PLXNA4: variants seen among roughly 807,000 people sequenced by gnomAD.
PLXNA4 encodes plexin A4.
PLXNA4 carries 44 observed loss-of-function variants against 191.8 expected under a neutral mutation model. That is an observed-to-expected ratio of 0.23 (90% confidence interval 0.18 to 0.29). The LOEUF is 0.29. Ranked by LOEUF, PLXNA4 falls within the 10% of genes least tolerant of loss-of-function variation. The probability of loss-of-function intolerance (pLI) is 1.00; values close to 1 mark genes in which losing one functional copy is unlikely to be tolerated. For synonymous variants in PLXNA4, 1,082 were observed against 1,009.5 expected (o/e 1.07, Z -1.36); for missense variants, 1,800 against 2,488.8 (o/e 0.72, Z 5.89).
chr7:132,189,229 T>C (rs1797013421), intron 14 of PLXNA4, among the ~76,000 whole-genome samples: 1 of 151,816 alleles, frequency 6.6e-6, no homozygotes, highest in African/African-American at 2.4e-5. Flanking sequence ...GCTGGGGCAC[T>C]ATCAAGGGGC....
At chr7:132,400,883 G>A (rs190270718) in intron 3 of PLXNA4, among the ~76,000 whole-genome samples, 1 of 152,302 alleles carries the variant, frequency 6.6e-6, no homozygotes, top group East Asian at 1.9e-4. Flanking sequence ...AAATAATGCT[G>A]AACATTCTGT....
In PLXNA4 at chr7:132,127,607, T is replaced by TAA. The variant is rs1384393672; in HGVS notation, c.*2870_*2871dup. ...AACAAACAGCAGAAGATAATTTTTA[T>TAA]AAGCAAGATGGGCTGTGGCTCTGGA... On this transcript the variant is annotated 3_prime_UTR_variant, in exon 32 of 32. Transcript: ENST00000321063. 1 of 152,116 alleles carries TAA rather than the reference T, an allele frequency of 6.6e-6. No homozygotes were observed. Among genetic ancestry groups the TAA allele is most frequent in the East Asian group, 1.9e-4 (1 of 5,186 alleles). 9.4% of individuals were successfully genotyped at this position (152,116 alleles called of 1,614,324 possible). A position where few individuals can be genotyped will look rare whatever the true frequency, so the allele number is the denominator to read the frequency against.
chr7:132,401,560 G>A (rs1318463625), intron 3 of PLXNA4, among the ~76,000 whole-genome samples: 1 of 152,198 alleles, frequency 6.6e-6, no homozygotes, highest in African/African-American at 2.4e-5. Flanking sequence ...AGACGCATAA[G>A]GTTAGAGGAA....
intron 19 of PLXNA4, 39 bp downstream of exon 19, chr7:132,180,547 C>T (rs1431089326): frequency 1.2e-6 from 2 of 1,612,692 alleles, no homozygotes; most frequent in African/African-American, 2.7e-5. Flanking sequence ...TGCATCCCTA[C>T]TGCCCGCTCC....
intron 1 of PLXNA4, among the ~76,000 whole-genome samples, chr7:132,515,248 A>T (rs1261364040): frequency 9.9e-5 from 15 of 152,164 alleles, no homozygotes; most frequent in Admixed American, 9.8e-4. Flanking sequence ...AATGAAGCCA[A>T]AGTACTGAGA....
chr7:132,529,870 G>C (rs549935549), intron 1 of PLXNA4, among the ~76,000 whole-genome samples: 22 of 152,300 alleles, frequency 1.4e-4, no homozygotes, highest in African/African-American at 5.3e-4. Flanking sequence ...CTCCCAAAGT[G>C]CTGGGATTAC....
chr7:132,563,198 TCTTCC>T (rs1563175735), intron 1 of PLXNA4, among the ~76,000 whole-genome samples: 38 of 71,288 alleles, frequency 5.3e-4, no homozygotes, highest in South Asian at 8.0e-4. Context: ...CTCCTCCTCC[TCTTCC>T]TCCTCCTCCT....
intron 3 of PLXNA4, among the ~76,000 whole-genome samples, chr7:132,324,100 C>G (rs1027421245): frequency 6.6e-6 from 1 of 152,154 alleles, no homozygotes; most frequent in Admixed American, 6.5e-5. Flanking sequence ...AAAAACTTAG[C>G]AGAGAACTGC....
chr7:132,611,587 T>A (rs1342609691), intron 2 of PLXNA4, among the ~76,000 whole-genome samples: 5 of 152,168 alleles, frequency 3.3e-5, no homozygotes, highest in African/African-American at 1.2e-4. Context: ...GGTGGGGGAA[T>A]TTATTAAACA....
chr7:132,347,675 C>T (rs986413342), intron 3 of PLXNA4, among the ~76,000 whole-genome samples: 2 of 152,096 alleles, frequency 1.3e-5, no homozygotes, highest in Admixed American at 6.6e-5. Context: ...TTGTGTGCTC[C>T]GAGAAGAGTC....
chr7:132,208,489 C>T (rs543655404), intron 10 of PLXNA4, among the ~76,000 whole-genome samples: 108 of 152,210 alleles, frequency 7.1e-4, no homozygotes, highest in African/African-American at 2.2e-3. Flanking sequence ...CTCCAGAGGG[C>T]CAGAGCGCAG....
rs542799587 is a variant in PLXNA4, at chr7:132,508,798, A to G, written c.-86-19T>C. On this transcript the variant is annotated intron_variant, in intron 1 of 31. Coordinates refer to ENST00000321063, the MANE Select transcript of PLXNA4 (RefSeq NM_020911.2). The surrounding 1 kb of genome is among the most constrained non-coding windows in gnomAD (Gnocchi z 4.4). ...TCCCCTACTGGAGAAAGGGAAGACA[A>G]TGAGCTGGATAACAATGCCAGTGGC... The G allele has an allele frequency of 2.8e-6, 4 of 1,434,384 alleles. No individual in the cohort carries two copies. The East Asian group carries it at 7.5e-5, about 27-fold the overall frequency. 88.9% of individuals were successfully genotyped at this position (1,434,384 alleles called of 1,614,324 possible). A position where few individuals can be genotyped will look rare whatever the true frequency, so the allele number is the denominator to read the frequency against.
intron 3 of PLXNA4, among the ~76,000 whole-genome samples, chr7:132,326,297 C>T (rs1802354508): frequency 6.6e-6 from 1 of 152,190 alleles, no homozygotes; most frequent in South Asian, 2.1e-4. Context: ...GAGGGAACTT[C>T]CCAGCCTCCA....
chr7:132,512,237 G>A (rs537518748), intron 1 of PLXNA4, among the ~76,000 whole-genome samples: 12 of 152,316 alleles, frequency 7.9e-5, no homozygotes, highest in South Asian at 2.1e-4. Context: ...ACAACCTGCC[G>A]TATGCTGGGG....
At chr7:132,154,655 T>C (rs954330173) in intron 25 of PLXNA4, among the ~76,000 whole-genome samples, 27 of 152,178 alleles carry the variant, frequency 1.8e-4, no homozygotes, top group Middle Eastern at 3.2e-3. Flanking sequence ...TATTCTTGAA[T>C]GTGGAACACA....
chr7:132,490,481 A>G (rs10081303), intron 2 of PLXNA4, among the ~76,000 whole-genome samples: 1,430 of 132,172 alleles, frequency 0.011, 19 homozygotes, highest in African/African-American at 0.039. Context: ...GCTGGAGTGC[A>G]GTGACATGAT....
At chr7:132,459,432 G>A (rs1051122690) in intron 3 of PLXNA4, among the ~76,000 whole-genome samples, 4 of 152,210 alleles carry the variant, frequency 2.6e-5, no homozygotes, top group African/African-American at 7.2e-5. Context: ...TGGATTGGCA[G>A]TAGGAGAGGA....
At chr7:132,216,312 C>G (rs1797960894) in intron 9 of PLXNA4, among the ~76,000 whole-genome samples, 1 of 152,134 alleles carries the variant, frequency 6.6e-6, no homozygotes, top group Non-Finnish European at 1.5e-5. Context: ...ATTGTATGAT[C>G]TTTTTGAAGC....
intron 3 of PLXNA4, among the ~76,000 whole-genome samples, chr7:132,341,962 C>G (rs1366738340): frequency 2.0e-5 from 3 of 151,792 alleles, no homozygotes; most frequent in African/African-American, 7.3e-5. Flanking sequence ...AATGGGATTC[C>G]AACATGCTTT....
Sources: gnomAD v4.1 joint callset for allele counts (sites outside exome capture counted in the v4.1 genomes callset) on GRCh38, gnomAD v4.1.1 for gene constraint, Gnocchi (gnomAD v3.1) non-coding constraint, MANE v1.5 for transcripts, NCBI Gene and HGNC (gene_info 2026-07-23, HGNC 2026-07-21) for gene names.